VAT1L: variants seen among roughly 807,000 people sequenced by gnomAD.
VAT1L encodes putative NADPH-dependent quinone oxidoreductase VAT1L.
Under a neutral mutation model 44.1 loss-of-function variants are expected in VAT1L, and 34 were observed. The ratio of observed to expected loss-of-function variants is 0.77; its 90% CI spans 0.59 to 1.03. The LOEUF is 1.03. Among genes scored for constraint, VAT1L ranks in the 50% least tolerant of loss-of-function variants. The pLI is 0.00. For synonymous variants in VAT1L, 253 were observed against 202.2 expected (o/e 1.25, Z -2.13); for missense variants, 615 against 538.8 (o/e 1.14, Z -1.40).
At chr16:77,858,585 C>T (rs1367179230) in intron 3 of VAT1L, among the ~76,000 whole-genome samples, 1 of 152,116 alleles carries the variant, frequency 6.6e-6, no homozygotes, top group Non-Finnish European at 1.5e-5. Flanking sequence ...GACGAGTGAA[C>T]AGAGGTGCCA....
At chr16:77,844,752 T>G (rs2016742051) in intron 3 of VAT1L, among the ~76,000 whole-genome samples, 1 of 152,118 alleles carries the variant, frequency 6.6e-6, no homozygotes, top group Non-Finnish European at 1.5e-5. Context: ...GATTTTGGTA[T>G]CTACAGAGGG....
chr16:77,936,368 G>T (rs1290384069), intron 7 of VAT1L, among the ~76,000 whole-genome samples: 1 of 152,130 alleles, frequency 6.6e-6, no homozygotes, highest in African/African-American at 2.4e-5. Context: ...AGTGAGTAAG[G>T]GGAGCCTCAG....
At chr16:77,935,222 G>A (rs1357610135) in intron 7 of VAT1L, among the ~76,000 whole-genome samples, 2 of 152,152 alleles carry the variant, frequency 1.3e-5, no homozygotes, top group Non-Finnish European at 2.9e-5. Flanking sequence ...TAGGTTGTAG[G>A]AGATGTCTCT....
intron 7 of VAT1L, among the ~76,000 whole-genome samples, chr16:77,961,558 C>T (rs1276066257): frequency 1.3e-5 from 2 of 152,196 alleles, no homozygotes; most frequent in East Asian, 1.9e-4. Flanking sequence ...CTCACAACAG[C>T]CAGGTAGCAC....
rs150499551 is a variant in VAT1L, at chr16:77,895,908, C to T, written c.1077+11106C>T. On this transcript the variant is annotated intron_variant, in intron 7 of 8. Coordinates refer to ENST00000302536, the MANE Select transcript of VAT1L (RefSeq NM_020927.3). Reference sequence around the variant, plus strand: ...GTCAGACAATTATATAAGCAGGGAACGAAGCCTGGAGGAAGAGAGCTGGGC... The same window carrying T: ...GTCAGACAATTATATAAGCAGGGAATGAAGCCTGGAGGAAGAGAGCTGGGC... Among the ~76,000 whole-genome samples, 252 of 152,234 alleles carry T rather than the reference C, an allele frequency of 1.7e-3. 1 individual carries two copies. The highest frequency in any genetic ancestry group is 5.7e-3 in the African/African-American group (236 of 41,542).
rs978015406 is a variant in VAT1L, at chr16:77,979,761, T to A, written c.*2066T>A. On this transcript the variant is annotated 3_prime_UTR_variant, in exon 9 of 9. Transcript: ENST00000302536. ...AGTAATCGCAAATTACTCCAGATGG[T>A]TAAAGAAAACCCTTTCAGAATACAG... The A allele has an allele frequency of 6.6e-6, 1 of 152,616 alleles. No homozygotes were observed. Among genetic ancestry groups the A allele is most frequent in the Non-Finnish European group, 1.5e-5 (1 of 68,034 alleles). 9.5% of individuals were successfully genotyped at this position (152,616 alleles called of 1,614,324 possible).
At chr16:77,926,199 G>A (rs964815859) in intron 7 of VAT1L, among the ~76,000 whole-genome samples, 2 of 149,060 alleles carry the variant, frequency 1.3e-5, no homozygotes, top group Non-Finnish European at 3.0e-5. Flanking sequence ...CTTGCAGTGA[G>A]CCGAGATCGC....
intron 7 of VAT1L, among the ~76,000 whole-genome samples, chr16:77,927,225 C>A (rs1263549329): frequency 6.6e-6 from 1 of 151,512 alleles, no homozygotes; most frequent in African/African-American, 2.4e-5. Flanking sequence ...GTAGTCCCAG[C>A]TAGTCAGGAG....
At chr16:77,965,807 C>G (rs568054117) in intron 7 of VAT1L, among the ~76,000 whole-genome samples, 1 of 152,212 alleles carries the variant, frequency 6.6e-6, no homozygotes, top group Non-Finnish European at 1.5e-5. Context: ...ATCTCACTGT[C>G]TCCACATATC....
chr16:77,940,501 G>A (rs1007108065), intron 7 of VAT1L, among the ~76,000 whole-genome samples: 15 of 151,858 alleles, frequency 9.9e-5, no homozygotes, highest in African/African-American at 3.4e-4. Flanking sequence ...GTGCTACCAT[G>A]CCTGGGTAAT....
At chr16:77,851,400 G>C (rs557460521) in intron 3 of VAT1L, among the ~76,000 whole-genome samples, 2 of 152,300 alleles carry the variant, frequency 1.3e-5, no homozygotes, top group East Asian at 1.9e-4. Context: ...TGTAATCCCA[G>C]TGCTTTGGAA....
intron 7 of VAT1L, among the ~76,000 whole-genome samples, chr16:77,943,380 C>CTTTT (rs773527946): frequency 4.8e-5 from 6 of 125,870 alleles, no homozygotes; most frequent in African/African-American, 9.1e-5. Context: ...CTTTTTCTTT[C>CTTTT]TTTTTTTTTT....
At chr16:77,814,071 G>T (rs765828278) in intron 1 of VAT1L, among the ~76,000 whole-genome samples, 2 of 152,116 alleles carry the variant, frequency 1.3e-5, no homozygotes, top group Non-Finnish European at 2.9e-5. Context: ...CGCTCTCTGG[G>T]TCTCAATTTT....
chr16:77,880,306 G>A lies in VAT1L; in HGVS notation c.882+1082G>A, dbSNP rs928902223. 8.6e-5 allele frequency among the ~76,000 whole-genome samples: 13 copies of A among 151,984 alleles called. No homozygotes were observed. In the South Asian group the frequency reaches 2.3e-3, roughly 27 times the overall value. On this transcript the variant is annotated intron_variant, in intron 6 of 8. Coordinates refer to ENST00000302536, the MANE Select transcript of VAT1L (RefSeq NM_020927.3). Reference sequence around the variant, plus strand: ...CAAGTAGCTGGGATTACAGGTGTGTGCCACTATACCCAGCGAATTTATGTA... The same window carrying A: ...CAAGTAGCTGGGATTACAGGTGTGTACCACTATACCCAGCGAATTTATGTA...
chr16:77,867,037 C>G (rs989733285), intron 4 of VAT1L, among the ~76,000 whole-genome samples: 1 of 152,198 alleles, frequency 6.6e-6, no homozygotes, highest in Admixed American at 6.5e-5. Flanking sequence ...CGCTTTGTTG[C>G]TCTCCTGCCA....
chr16:77,942,457 G>T (rs1651906), intron 7 of VAT1L, among the ~76,000 whole-genome samples: 147,176 of 152,148 alleles, frequency 0.97, 71,328 homozygotes, highest in Non-Finnish European at 1. Flanking sequence ...TTTCATATGC[G>T]CATACAATTG....
In VAT1L at chr16:77,928,987, T is replaced by G. The variant is rs73566782; in HGVS notation, c.1078-42863T>G. 9.1e-3 allele frequency among the ~76,000 whole-genome samples: 1,380 copies of G among 152,198 alleles called. 18 individuals carry two copies. Among genetic ancestry groups the G allele is most frequent in the African/African-American group, 0.032 (1,326 of 41,530 alleles). Reference sequence around the variant, plus strand: ...CACCACCATGCCCCGGTAAAAGTTTTTGTATTTTTAGTAGAGATGGGGTTT... The same window carrying G: ...CACCACCATGCCCCGGTAAAAGTTTGTGTATTTTTAGTAGAGATGGGGTTT... On this transcript the variant is annotated intron_variant, in intron 7 of 8. Coordinates refer to ENST00000302536, the MANE Select transcript of VAT1L (RefSeq NM_020927.3).
chr16:77,934,241 GA>G (rs1213495043), intron 7 of VAT1L, among the ~76,000 whole-genome samples: 2 of 152,148 alleles, frequency 1.3e-5, no homozygotes, highest in African/African-American at 4.8e-5. Context: ...AGAGAATCAT[GA>G]AAAACCCCTA....
At chr16:77,946,279 C>CTTTTTTTTTTTTCTTTTTTTTTT (rs2017964131) in intron 7 of VAT1L, among the ~76,000 whole-genome samples, 1 of 70,428 alleles carries the variant, frequency 1.4e-5, no homozygotes, top group Non-Finnish European at 2.5e-5. Flanking sequence ...GTTACTTGTT[C>CTTTTTTTTTTTTCTTTTTTTTTT]TTTTTTTTTT....
Sources: allele counts gnomAD v4.1 joint callset (sites outside exome capture counted in the v4.1 genomes callset), GRCh38; gene constraint gnomAD v4.1.1; transcripts MANE v1.5; gene names NCBI Gene and HGNC (gene_info 2026-07-23, HGNC 2026-07-21).